The following NAALADL2 variants were observed in gnomAD, a reference collection of about 807,000 sequenced individuals.
The protein encoded by NAALADL2 is N-acetylated alpha-linked acidic dipeptidase like 2, also known as inactive N-acetylated-alpha-linked acidic dipeptidase-like protein 2.
NAALADL2 carries 76 observed loss-of-function variants against 87.2 expected under a neutral mutation model. The observed-to-expected ratio is 0.87, with a 90% CI of 0.72 to 1.05. NAALADL2 has a LOEUF of 1.05. Among genes scored for constraint, NAALADL2 ranks in the 50% least tolerant of loss-of-function variants. The probability of loss-of-function intolerance (pLI) is 0.00; values close to 1 mark genes in which losing one functional copy is unlikely to be tolerated. For missense variants in NAALADL2, 1,089 were observed against 945.8 expected, an observed-to-expected ratio of 1.15 and a Z score of -1.99; for synonymous variants, 354 against 331.0, an observed-to-expected ratio of 1.07 and a Z score of -0.75.
intron 2 of NAALADL2, among the ~76,000 whole-genome samples, chr3:174,701,880 C>T (rs931600626): frequency 1.3e-5 from 2 of 152,030 alleles, no homozygotes; most frequent in Admixed American, 1.3e-4. Context: ...TTTGCAATTA[C>T]AAAAAAGATG....
intron 1 of NAALADL2, among the ~76,000 whole-genome samples, chr3:175,002,899 T>A (rs1748432645): frequency 6.6e-6 from 1 of 152,136 alleles, no homozygotes; most frequent in Admixed American, 6.5e-5. Context: ...CATGTATAAG[T>A]ATAAACTTGC....
chr3:174,739,693 C>G (rs961315877), intron 3 of NAALADL2, among the ~76,000 whole-genome samples: 1 of 152,006 alleles, frequency 6.6e-6, no homozygotes, highest in Non-Finnish European at 1.5e-5. Flanking sequence ...CTTTGGATGT[C>G]ATAGTCCAGC....
chr3:174,687,278 T>C (rs1728136265), intron 2 of NAALADL2, among the ~76,000 whole-genome samples: 1 of 152,126 alleles, frequency 6.6e-6, no homozygotes. Context: ...TGTGTTCTTA[T>C]CTTCTTCAGG....
At chr3:174,831,925 G>A (rs550307013) in intron 3 of NAALADL2, among the ~76,000 whole-genome samples, 21,262 of 150,770 alleles carry the variant, frequency 0.14, 1,616 homozygotes, top group African/African-American at 0.19. Flanking sequence ...TCTGATGGTA[G>A]TTTGTATTTC....
chr3:175,387,151 A>G (rs1768488859), intron 5 of NAALADL2, among the ~76,000 whole-genome samples: 1 of 152,108 alleles, frequency 6.6e-6, no homozygotes, highest in Admixed American at 6.6e-5. Context: ...AAAGTGGGAA[A>G]GACTTTAGAT....
At chr3:174,605,825 C>T (rs1396554980) in intron 2 of NAALADL2, among the ~76,000 whole-genome samples, 8 of 152,178 alleles carry the variant, frequency 5.3e-5, no homozygotes, top group Non-Finnish European at 1.2e-4. Context: ...ATGGTTCTCC[C>T]AGCATGCAGC....
intron 12 of NAALADL2, among the ~76,000 whole-genome samples, chr3:175,742,491 G>T (rs1158564593): frequency 6.7e-6 from 1 of 150,070 alleles, no homozygotes; most frequent in African/African-American, 2.5e-5. Flanking sequence ...TCCGCCTCCC[G>T]GGTTCACGCC....
chr3:175,732,479 T>C (rs1198872467), intron 11 of NAALADL2, among the ~76,000 whole-genome samples: 3 of 152,190 alleles, frequency 2.0e-5, no homozygotes, highest in Non-Finnish European at 4.4e-5. Flanking sequence ...CGACACTATC[T>C]GTTTGGAAAA....
intron 10 of NAALADL2, among the ~76,000 whole-genome samples, chr3:175,595,899 T>C (rs1037442519): frequency 2.0e-5 from 3 of 151,936 alleles, no homozygotes; most frequent in Non-Finnish European, 1.5e-5. Flanking sequence ...ATGCTAAAAT[T>C]TATATGGAAC....
At chr3:174,900,304 ATAAAT>A (rs1206171038) in intron 1 of NAALADL2, among the ~76,000 whole-genome samples, 1 of 152,118 alleles carries the variant, frequency 6.6e-6, no homozygotes, top group Non-Finnish European at 1.5e-5. Flanking sequence ...TTTTACCAAA[ATAAAT>A]TCAGATTTAT....
Position 174,702,432 on chromosome 3 carries a change from T to C in NAALADL2, c.-114-35209T>C, listed in dbSNP as rs114788640. 9.2e-3 allele frequency among the ~76,000 whole-genome samples: 1,393 copies of C among 152,068 alleles called. 25 individuals carry two copies. The highest frequency in any genetic ancestry group is 9.4e-3 in the Non-Finnish European group (640 of 67,984). Reference sequence around the variant, plus strand: ...CAAGCACTGGGGATACATTGAAGAGTGAGACTCTGTACCTGCTCTCAATCA... The same window carrying C: ...CAAGCACTGGGGATACATTGAAGAGCGAGACTCTGTACCTGCTCTCAATCA... On this transcript the variant is annotated intron_variant, in intron 2 of 3. Transcript: ENST00000434257.
At chr3:175,415,213 A>G (rs1714371286) in intron 5 of NAALADL2, among the ~76,000 whole-genome samples, 1 of 152,172 alleles carries the variant, frequency 6.6e-6, no homozygotes, top group East Asian at 1.9e-4. Context: ...TGCAAAAGTA[A>G]TTGTGGTTTT....
chr3:175,383,153 T>A (rs1262593005), intron 5 of NAALADL2, among the ~76,000 whole-genome samples: 1 of 152,068 alleles, frequency 6.6e-6, no homozygotes, highest in Non-Finnish European at 1.5e-5. Context: ...TATCATTACC[T>A]CAAGCGTTTA....
At chr3:175,249,286 AAG>A (rs1192192139) in intron 3 of NAALADL2, among the ~76,000 whole-genome samples, 1 of 152,102 alleles carries the variant, frequency 6.6e-6, no homozygotes, top group Admixed American at 6.6e-5. Flanking sequence ...ATTCTAATTA[AAG>A]ATTGAATCTT....
intron 3 of NAALADL2, among the ~76,000 whole-genome samples, chr3:175,236,118 C>T (rs1745799169): frequency 6.6e-6 from 1 of 152,086 alleles, no homozygotes; most frequent in African/African-American, 2.4e-5. Flanking sequence ...GGGAGATTCA[C>T]TGGATCTGGA....
chr3:174,700,284 A>G (rs1230563397), intron 2 of NAALADL2, among the ~76,000 whole-genome samples: 1 of 151,650 alleles, frequency 6.6e-6, no homozygotes, highest in Non-Finnish European at 1.5e-5. Flanking sequence ...AAATTAGTAA[A>G]TAATTCAAGT....
chr3:174,786,174 G>C (rs1716615740), intron 3 of NAALADL2, among the ~76,000 whole-genome samples: 1 of 152,128 alleles, frequency 6.6e-6, no homozygotes, highest in African/African-American at 2.4e-5. Flanking sequence ...AAATTGGCCA[G>C]GCATGGTGAC....
chr3:175,481,635 C>A (rs1726483971), intron 9 of NAALADL2, among the ~76,000 whole-genome samples: 1 of 151,866 alleles, frequency 6.6e-6, no homozygotes, highest in African/African-American at 2.4e-5. Flanking sequence ...CATTATACAA[C>A]AACATACACA....
chr3:175,588,345 A>T (rs1720844585), intron 10 of NAALADL2, among the ~76,000 whole-genome samples: 2 of 152,018 alleles, frequency 1.3e-5, no homozygotes, highest in African/African-American at 4.8e-5. Flanking sequence ...AGAACCTGTG[A>T]GGTACTCAAT....
Sources: gnomAD v4.1 joint callset for allele counts (sites outside exome capture counted in the v4.1 genomes callset) on GRCh38, gnomAD v4.1.1 for gene constraint, MANE v1.5 for transcripts, NCBI Gene and HGNC (gene_info 2026-07-23, HGNC 2026-07-21) for gene names.